FSHR: variants seen among roughly 807,000 people sequenced by gnomAD.
FSHR encodes the protein follicle stimulating hormone receptor.
Under a neutral mutation model 52.1 loss-of-function variants are expected in FSHR, and 46 were observed. The observed-to-expected ratio is 0.88, with a 90% CI of 0.70 to 1.13. The LOEUF (loss-of-function observed/expected upper bound fraction) is 1.13, where lower values mean the gene tolerates loss of function less well. Among genes scored for constraint, FSHR ranks in the 50% most tolerant of loss-of-function variants. The pLI, the probability that FSHR is intolerant of heterozygous loss-of-function variation, is 0.00. For missense variants in FSHR, 964 were observed against 834.6 expected, an observed-to-expected ratio of 1.16 and a Z score of -1.91; for synonymous variants, 399 against 309.6, an observed-to-expected ratio of 1.29 and a Z score of -3.03.
intron 1 of FSHR, among the ~76,000 whole-genome samples, chr2:49,135,651 C>A (rs1362652603): frequency 2.0e-5 from 3 of 151,888 alleles, no homozygotes; most frequent in Non-Finnish European, 4.4e-5. Context: ...GTTTACCAAC[C>A]CCCATGCAAT....
intron 5 of FSHR, 34 bp from the exon 6 acceptor site, chr2:48,989,088 A>G (rs201536233): frequency 6.0e-5 from 94 of 1,558,904 alleles, no homozygotes; most frequent in African/African-American, 8.1e-5. Context: ...AGATACTTAC[A>G]TCAGCTCTAC....
chr2:49,134,809 G>A (rs987969595), intron 1 of FSHR, among the ~76,000 whole-genome samples: 14 of 151,928 alleles, frequency 9.2e-5, no homozygotes, highest in Non-Finnish European at 1.8e-4. Flanking sequence ...GTAAACTATC[G>A]CAAGAACAAA....
intron 2 of FSHR, among the ~76,000 whole-genome samples, chr2:49,067,106 T>C (rs2104338832): frequency 6.6e-6 from 1 of 152,192 alleles, no homozygotes; most frequent in South Asian, 2.1e-4. Context: ...CGTAAGCCCC[T>C]TTTTAAAACT....
At chr2:49,116,191 A>C (rs73928798) in intron 1 of FSHR, among the ~76,000 whole-genome samples, 1,981 of 152,260 alleles carry the variant, frequency 0.013, 33 homozygotes, top group African/African-American at 0.044. Flanking sequence ...GAAGGCTTTT[A>C]TTAAGCCATA....
chr2:49,065,914 A>G (rs1441323076), intron 2 of FSHR, among the ~76,000 whole-genome samples: 2 of 152,116 alleles, frequency 1.3e-5, no homozygotes, highest in African/African-American at 2.4e-5. Context: ...GGGAAAGGGC[A>G]TTGAGAAGAA....
intron 8 of FSHR, among the ~76,000 whole-genome samples, chr2:48,977,159 A>G (rs2104038293): frequency 6.6e-6 from 1 of 152,188 alleles, no homozygotes; most frequent in Non-Finnish European, 1.5e-5. Context: ...GTCTTTGAAT[A>G]ACCTTGACTA....
rs1250648117 is a variant in FSHR, at chr2:49,127,843, T to C, written c.152+26423A>G. Reference sequence around the variant, plus strand: ...TTCTTCTTCTTCCTCTTCTTCTTCTTCTTCTTCTTCTTCTTCTTCTTCTTC... The same window carrying C: ...TTCTTCTTCTTCCTCTTCTTCTTCTCCTTCTTCTTCTTCTTCTTCTTCTTC... On this transcript the variant is annotated intron_variant, in intron 1 of 9. Coordinates refer to ENST00000406846, the MANE Select transcript of FSHR (RefSeq NM_000145.4). Among the ~76,000 whole-genome samples, 17 of 18,046 alleles carry C rather than the reference T, an allele frequency of 9.4e-4. 2 individuals are homozygous for C. The highest frequency in any genetic ancestry group is 5.1e-3 in the African/African-American group (12 of 2,352). The allele number at this position is 18,046 out of a possible 152,430, so 11.8% of individuals were successfully genotyped here. A position where few individuals can be genotyped will look rare whatever the true frequency, so the allele number is the denominator to read the frequency against.
At chr2:49,045,662 T>A (rs1030060377) in intron 2 of FSHR, among the ~76,000 whole-genome samples, 1 of 152,206 alleles carries the variant, frequency 6.6e-6, no homozygotes, top group East Asian at 1.9e-4. Context: ...TATTAATGGA[T>A]ACACCTTATT....
intron 1 of FSHR, among the ~76,000 whole-genome samples, chr2:49,085,882 C>T (rs1033132571): frequency 8.0e-5 from 12 of 149,422 alleles, no homozygotes; most frequent in African/African-American, 1.7e-4. Flanking sequence ...CCAAACACCG[C>T]GTGTTCTCGC....
At chr2:49,019,462 G>A (rs112982551) in intron 3 of FSHR, among the ~76,000 whole-genome samples, 11 of 152,256 alleles carry the variant, frequency 7.2e-5, no homozygotes, top group African/African-American at 2.2e-4. Context: ...TGTGAGCAGC[G>A]CTATTATGTA....
intron 1 of FSHR, among the ~76,000 whole-genome samples, chr2:49,144,066 C>T (rs921361059): frequency 1.1e-4 from 17 of 152,088 alleles, no homozygotes; most frequent in African/African-American, 3.4e-4. Flanking sequence ...AGTTTTTGGA[C>T]TTGAGGATGC....
chr2:49,017,629 T>A (rs1558392443), intron 3 of FSHR, 66 bp from the exon 4 acceptor site: 1 of 1,158,956 alleles, frequency 8.6e-7, no homozygotes, highest in East Asian at 2.4e-5. Context: ...TTTTTCACAT[T>A]TTACAGAGTA....
chr2:49,154,272 A>G lies in FSHR; in HGVS notation c.146T>C (p.Ile49Thr), dbSNP rs751588754. 1.1e-5 allele frequency: 17 copies of G among 1,613,736 alleles called. No individual in the cohort carries two copies. Among genetic ancestry groups the G allele is most frequent in the South Asian group, 3.3e-5 (3 of 91,070 alleles). ...CCCTCCCTCTGATACTCACAGTTCAATGGCATTCCTCGGGAGGTCAGAAGG... is the reference window on the plus strand; with the variant it reads ...CCCTCCCTCTGATACTCACAGTTCAGTGGCATTCCTCGGGAGGTCAGAAGG... ...EIPSDLPRNA[I>T]ELRFVLTKLR... is the part of the protein sequence containing the mutation. The change falls in exon 1 of 10, where the codon ATT (isoleucine) becomes ACT (threonine). Residue 49 changes from isoleucine to threonine, a missense_variant. Ile to Thr is a moderately conservative substitution (Grantham distance 89). Coordinates refer to ENST00000406846, the MANE Select transcript of FSHR (RefSeq NM_000145.4).
At chr2:49,127,907 T>TA (rs1672122918) in intron 1 of FSHR, among the ~76,000 whole-genome samples, 1 of 124,830 alleles carries the variant, frequency 8.0e-6, no homozygotes, top group Non-Finnish European at 1.7e-5. Context: ...TCTTTTTTTT[T>TA]TTTGAGACGG....
Position 48,979,423 on chromosome 2 carries a change from T to TAA in FSHR, c.668+3487_668+3488dup, listed in dbSNP as rs1210624831. Among the ~76,000 whole-genome samples, 5 of 151,068 alleles carry TAA rather than the reference T, an allele frequency of 3.3e-5. No individual in the cohort carries two copies. The East Asian group carries it at 9.8e-4, about 30-fold the overall frequency. On this transcript the variant is annotated intron_variant, in intron 8 of 9. Coordinates refer to ENST00000406846, the MANE Select transcript of FSHR (RefSeq NM_000145.4). ...ACCACTGCACTCCAGCATGGGTGAT[T>TAA]AAAAAAAACCACAAAAACACCCCCC...
intron 1 of FSHR, among the ~76,000 whole-genome samples, chr2:49,138,657 T>C (rs923680325): frequency 6.6e-6 from 1 of 152,202 alleles, no homozygotes; most frequent in Non-Finnish European, 1.5e-5. Context: ...GAGAAATCTA[T>C]AGAGACAGAA....
chr2:48,990,635 A>C lies in FSHR; in HGVS notation c.377T>G (p.Leu126Ter). 1 of 1,597,714 alleles carries C rather than the reference A, an allele frequency of 6.3e-7. No homozygotes were observed. The highest frequency in any genetic ancestry group is 2.2e-5 in the East Asian group (1 of 44,778). ...FQNLPNLQYL[L>*]ISNTGIKHLP... ...GTGCTTAATACCTGTGTTGGATATT[A>C]ACCTAGAGAGAAACAAAATGAGAGT... is the stretch of plus-strand genomic sequence containing the variant. The change falls in exon 5 of 10, where the codon TTA becomes TGA. Residue 126 changes from leucine to a stop codon, truncating the protein, a stop_gained and splice_region_variant. Coordinates refer to ENST00000406846, the MANE Select transcript of FSHR (RefSeq NM_000145.4). LOFTEE classifies it high-confidence loss of function.
In FSHR at chr2:49,062,257, C is replaced by A. The variant is rs1218306295; in HGVS notation, c.224+5962G>T. ...GCAGGTGGCACAGAAAAGAAATAAACCTACATATTTATAGTGAAGTGATTT... is the reference window on the plus strand; with the variant it reads ...GCAGGTGGCACAGAAAAGAAATAAAACTACATATTTATAGTGAAGTGATTT... On this transcript the variant is annotated intron_variant, in intron 2 of 9. Coordinates refer to ENST00000406846, the MANE Select transcript of FSHR (RefSeq NM_000145.4). Among the ~76,000 whole-genome samples the A allele has an allele frequency of 2.8e-4, 42 of 151,972 alleles. 1 individual carries two copies. The highest frequency in any genetic ancestry group is 2.8e-3 in the Admixed American group (42 of 15,260).
At chr2:49,015,110 T>A (rs529006822) in intron 4 of FSHR, among the ~76,000 whole-genome samples, 11 of 152,324 alleles carry the variant, frequency 7.2e-5, no homozygotes, top group Non-Finnish European at 1.5e-4. Flanking sequence ...ATTTGGTTTT[T>A]ACAGCCGCTC....
Sources: allele counts gnomAD v4.1 joint callset (sites outside exome capture counted in the v4.1 genomes callset), GRCh38; gene constraint gnomAD v4.1.1; transcripts MANE v1.5; gene names NCBI Gene and HGNC (gene_info 2026-07-23, HGNC 2026-07-21).